Variants in RPL14 observed in about 807,000 individuals in gnomAD.
The protein encoded by RPL14 is large ribosomal subunit protein eL14.
Under a neutral mutation model 25.3 loss-of-function variants are expected in RPL14, and 4 were observed. The ratio of observed to expected loss-of-function variants is 0.16; its 90% CI spans 0.08 to 0.36. The LOEUF (loss-of-function observed/expected upper bound fraction) is 0.36. Ranked by LOEUF, RPL14 falls within the 10% of genes least tolerant of loss-of-function variation. The pLI, the probability that RPL14 is intolerant of heterozygous loss-of-function variation, is 1.00. For synonymous variants in RPL14, 75 were observed against 89.8 expected, an observed-to-expected ratio of 0.84 and a Z score of 0.93; for missense variants, 212 against 261.9, an observed-to-expected ratio of 0.81 and a Z score of 1.31.
chr3:40,457,546 G>C (rs1380276255), intron 1 of RPL14, 72 bp downstream of exon 1: 1 of 1,298,798 alleles, frequency 7.7e-7, no homozygotes, highest in Non-Finnish European at 1.1e-6. Context: ...CGGACTCGCC[G>C]CTGGCGAGCG....
At position 40,462,330 on chromosome 3, in the gene RPL14, C is replaced by A; in HGVS notation, c.*98C>A. 2 of 1,136,426 alleles carry A rather than the reference C, an allele frequency of 1.8e-6. No individual in the cohort carries two copies. The highest frequency in any genetic ancestry group is 2.4e-6 in the Non-Finnish European group (2 of 819,332). 70.4% of individuals were successfully genotyped at this position (1,136,426 alleles called of 1,614,324 possible). A position where few individuals can be genotyped will look rare whatever the true frequency, so the allele number is the denominator to read the frequency against. On this transcript the variant is annotated 3_prime_UTR_variant, in exon 6 of 6. Coordinates refer to ENST00000396203, the MANE Select transcript of RPL14 (RefSeq NM_001034996.3). ...GCCTGTTGAGGCTGGAGTTAGGAGGCAGATTGATAGTAGGATTATAATAAA... is the reference window on the plus strand; with the variant it reads ...GCCTGTTGAGGCTGGAGTTAGGAGGAAGATTGATAGTAGGATTATAATAAA...
At chr3:40,459,858 CAAAAAAAAAAAA>C (rs10682822) in intron 3 of RPL14, among the ~76,000 whole-genome samples, 6 of 90,956 alleles carry the variant, frequency 6.6e-5, no homozygotes, top group South Asian at 4.5e-4. Context: ...GACTCCGTTT[CAAAAAAAAAAAA>C]AAAAAAAAAA....
chr3:40,462,081 T>C lies in RPL14; in HGVS notation c.497T>C (p.Ile166Thr). 1 of 1,587,238 alleles carries C rather than the reference T, an allele frequency of 6.3e-7. No individual in the cohort carries two copies. Among genetic ancestry groups the C allele is most frequent in the Non-Finnish European group, 8.6e-7 (1 of 1,163,912 alleles). Residue 166 changes from isoleucine to threonine, a missense_variant, in exon 6 of 6, where the codon ATC becomes ACC. By Grantham distance (89) the Ile-to-Thr change is moderately conservative (BLOSUM62 -1). This residue lies in a region of RPL14 where 66 missense variants were observed against 62.6 expected (regional missense o/e 1.05). Transcript: ENST00000396203. ...AAAAKVPAKKITAASKKAPAQ... is the reference protein window; with the variant it reads ...AAAAKVPAKKTTAASKKAPAQ... ...GCTGCTAAAGTTCCAGCAAAAAAGA[T>C]CACCGCCGCGAGTAAAAAGGCTCCA... is the stretch of plus-strand genomic sequence containing the variant.
At position 40,464,302 on chromosome 3, in the gene RPL14, G is replaced by C. The variant is rs1696996117; in HGVS notation, c.*2070G>C. ...AAATTTGTTTCCTAACCAAAAGCTA[G>C]CTTCAGGCGTCACTGGGGTAAAGGA... On this transcript the variant is annotated 3_prime_UTR_variant, in exon 6 of 6. Transcript: ENST00000396203. The C allele has an allele frequency of 2.8e-6, 1 of 353,468 alleles. No individual in the cohort carries two copies. The highest frequency in any genetic ancestry group is 2.1e-5 in the African/African-American group (1 of 46,804). 21.9% of individuals were successfully genotyped at this position (353,468 alleles called of 1,614,324 possible). A position where few individuals can be genotyped will look rare whatever the true frequency, so the allele number is the denominator to read the frequency against.
At position 40,457,409 on chromosome 3, in the gene RPL14, C is replaced by A; in HGVS notation, c.-63C>A. 6 of 1,594,270 alleles carry A rather than the reference C, an allele frequency of 3.8e-6. No homozygotes were observed. The highest frequency in any genetic ancestry group is 5.1e-6 in the Non-Finnish European group (6 of 1,169,706). ...CTCCGGGGCCGTCGACCATGCCGCT[C>A]GACCTCCACCTCCGCTGGGAAGCTG... is the stretch of plus-strand genomic sequence containing the variant. On this transcript the variant is annotated 5_prime_UTR_variant, in exon 1 of 6. Coordinates refer to ENST00000396203, the MANE Select transcript of RPL14 (RefSeq NM_001034996.3).
At position 40,464,999 on chromosome 3, in the gene RPL14, T is replaced by C. The variant is rs1002915063; in HGVS notation, c.*2767T>C. 5 of 165,028 alleles carry C rather than the reference T, an allele frequency of 3.0e-5. No homozygotes were observed. Among genetic ancestry groups the C allele is most frequent in the African/African-American group, 7.2e-5 (3 of 41,818 alleles). 10.2% of individuals were successfully genotyped at this position (165,028 alleles called of 1,614,324 possible). On this transcript the variant is annotated 3_prime_UTR_variant, in exon 6 of 6. Coordinates refer to ENST00000396203, the MANE Select transcript of RPL14 (RefSeq NM_001034996.3). The stretch of plus-strand genomic sequence containing the variant: ...ACATAGTCAAAATCCAGTTTCCTCA[T>C]CTATGTGGTACGCTTCAGAGTAGTT...
chr3:40,462,395 G>GA lies in RPL14; in HGVS notation c.*164dup. On this transcript the variant is annotated 3_prime_UTR_variant, in exon 6 of 6. Coordinates refer to ENST00000396203, the MANE Select transcript of RPL14 (RefSeq NM_001034996.3). ...TTCCTTTTTTTTTTTTTTTTTTTTTGAGATGGAGTCTCGTTCTGTTGCTCA... is the reference window on the plus strand; with the variant it reads ...TTCCTTTTTTTTTTTTTTTTTTTTTGAAGATGGAGTCTCGTTCTGTTGCTCA... 2 of 439,438 alleles carry GA rather than the reference G, an allele frequency of 4.6e-6. No homozygotes were observed. The highest frequency in any genetic ancestry group is 7.0e-6 in the Non-Finnish European group (2 of 285,592). The allele number at this position is 439,438 out of a possible 1,614,324, so 27.2% of individuals were successfully genotyped here.
Position 40,464,359 on chromosome 3 carries a change from A to C in RPL14, c.*2127A>C. The C allele has an allele frequency of 2.4e-6, 1 of 408,814 alleles. No homozygotes were observed. The highest frequency in any genetic ancestry group is 5.0e-6 in the Non-Finnish European group (1 of 201,588). The allele number at this position is 408,814 out of a possible 1,614,324, so 25.3% of individuals were successfully genotyped here. A position where few individuals can be genotyped will look rare whatever the true frequency, so the allele number is the denominator to read the frequency against. ...ACATTGATTTGCTTGATAATAGGCA[A>C]GTGGTATGGTGTAATAAGGAAAATA... On this transcript the variant is annotated 3_prime_UTR_variant, in exon 6 of 6. Transcript: ENST00000396203.
In RPL14 at chr3:40,464,114, G is replaced by A. The variant is rs559779499; in HGVS notation, c.*1882G>A. On this transcript the variant is annotated 3_prime_UTR_variant, in exon 6 of 6. Coordinates refer to ENST00000396203, the MANE Select transcript of RPL14 (RefSeq NM_001034996.3). ...CCCAAGTAGCAGGGGTTAAATGCGTGTACCACCATGCCCCTCTAATATTGT... is the reference window on the plus strand; with the variant it reads ...CCCAAGTAGCAGGGGTTAAATGCGTATACCACCATGCCCCTCTAATATTGT... 39 of 224,708 alleles carry A rather than the reference G, an allele frequency of 1.7e-4. No individual in the cohort carries two copies. The highest frequency in any genetic ancestry group is 8.7e-4 in the African/African-American group (39 of 44,688). The allele number at this position is 224,708 out of a possible 1,614,324, so 13.9% of individuals were successfully genotyped here.
At chr3:40,460,407 A>G (rs1559528602) in intron 3 of RPL14, among the ~76,000 whole-genome samples, 1 of 151,870 alleles carries the variant, frequency 6.6e-6, no homozygotes, top group Non-Finnish European at 1.5e-5. Flanking sequence ...AGCCCCAGCT[A>G]TTTGGGTGGA....
chr3:40,461,763 T>C lies in RPL14; in HGVS notation c.354+102T>C, dbSNP rs1377850491. 3.8e-5 allele frequency: 51 copies of C among 1,339,804 alleles called. No homozygotes were observed. The Admixed American group carries it at 1.3e-3, about 35-fold the overall frequency. 83.0% of individuals were successfully genotyped at this position (1,339,804 alleles called of 1,614,324 possible). ...CTGCCAGCTTCTTGGAAGCTTTCTG[T>C]AAAAAAGGAGAATTTATCTTCATTT... On this transcript the variant is annotated intron_variant, in intron 5 of 5. Transcript: ENST00000396203.
rs1696880796 is a variant in RPL14 at position 40,458,644 on chromosome 3, T to G, written c.108T>G (p.Ala36=). 8 of 1,613,920 alleles carry G rather than the reference T, an allele frequency of 5.0e-6. No homozygotes were observed. In the East Asian group the frequency reaches 1.1e-4, roughly 22 times the overall value. The part of the protein sequence containing the change: ...AIVDVIDQNR[A]LVDGPCTQVR... ...AGTTCTTGATGTTTGTGTTCTAGGC[T>G]TTGGTCGATGGACCTTGCACTCAAG... Residue 36 remains alanine (A), a splice_region_variant and synonymous_variant, in exon 3 of 6, where the codon GCT becomes GCG. Coordinates refer to ENST00000396203, the MANE Select transcript of RPL14 (RefSeq NM_001034996.3).
Position 40,462,454 on chromosome 3 carries a change from G to A in RPL14, c.*222G>A. On this transcript the variant is annotated 3_prime_UTR_variant, in exon 6 of 6. Coordinates refer to ENST00000396203, the MANE Select transcript of RPL14 (RefSeq NM_001034996.3). ...TGCAGTGGCGCTATCTCGGCTCACT[G>A]TAAGTTCCACCTCCCGGGTTCATGC... is the stretch of plus-strand genomic sequence containing the variant. The A allele has an allele frequency of 4.7e-6, 2 of 424,546 alleles. No homozygotes were observed. The highest frequency in any genetic ancestry group is 3.9e-6 in the Non-Finnish European group (1 of 257,210). The allele number at this position is 424,546 out of a possible 1,614,324, so 26.3% of individuals were successfully genotyped here.
Position 40,465,547 on chromosome 3 carries a change from ATC to A in RPL14, c.*3319_*3320del, listed in dbSNP as rs1380055000. The stretch of plus-strand genomic sequence containing the variant: ...AGGAAATTAAGGACTTTTCACCTTT[ATC>A]TCTGAAATTTCTCTGGAGTTAGCAA... On this transcript the variant is annotated 3_prime_UTR_variant, in exon 6 of 6. Coordinates refer to ENST00000396203, the MANE Select transcript of RPL14 (RefSeq NM_001034996.3). 6.6e-6 allele frequency: 1 copy of A among 152,234 alleles called. No individual in the cohort carries two copies. Among genetic ancestry groups the A allele is most frequent in the African/African-American group, 2.4e-5 (1 of 41,454 alleles). 9.4% of individuals were successfully genotyped at this position (152,234 alleles called of 1,614,324 possible).
At chr3:40,460,187 T>TA (rs1363036950) in intron 3 of RPL14, among the ~76,000 whole-genome samples, 13 of 151,898 alleles carry the variant, frequency 8.6e-5, no homozygotes, top group South Asian at 8.3e-4. Context: ...AATTTTTTTT[T>TA]AAAAAAAAGC....
At position 40,466,769 on chromosome 3, in the gene RPL14, T is replaced by A. The variant is rs1697032663; in HGVS notation, c.*4537T>A. On this transcript the variant is annotated 3_prime_UTR_variant, in exon 6 of 6. Coordinates refer to ENST00000396203, the MANE Select transcript of RPL14 (RefSeq NM_001034996.3). ...AGGTACTTAGTAATTTGGGTTGAAT[T>A]GTGTTGAACTAACCTGGCGGTATAG... 6.6e-6 allele frequency: 1 copy of A among 152,198 alleles called. No individual in the cohort carries two copies. The allele number at this position is 152,198 out of a possible 1,614,324, so 9.4% of individuals were successfully genotyped here. A position where few individuals can be genotyped will look rare whatever the true frequency, so the allele number is the denominator to read the frequency against.
chr3:40,457,392 C>G lies in RPL14; in HGVS notation c.-80C>G. The G allele has an allele frequency of 1.9e-6, 3 of 1,602,138 alleles. No homozygotes were observed. The highest frequency in any genetic ancestry group is 2.6e-6 in the Non-Finnish European group (3 of 1,173,828). On this transcript the variant is annotated 5_prime_UTR_variant, in exon 1 of 6. Coordinates refer to ENST00000396203, the MANE Select transcript of RPL14 (RefSeq NM_001034996.3). Reference sequence around the variant, plus strand: ...AGTCTTACTGTTGCGGGCTCCGGGGCCGTCGACCATGCCGCTCGACCTCCA... The same window carrying G: ...AGTCTTACTGTTGCGGGCTCCGGGGGCGTCGACCATGCCGCTCGACCTCCA...
In RPL14 at chr3:40,462,332, G is replaced by A; in HGVS notation, c.*100G>A. ...CTGTTGAGGCTGGAGTTAGGAGGCAGATTGATAGTAGGATTATAATAAACA... is the reference window on the plus strand; with the variant it reads ...CTGTTGAGGCTGGAGTTAGGAGGCAAATTGATAGTAGGATTATAATAAACA... On this transcript the variant is annotated 3_prime_UTR_variant, in exon 6 of 6. Coordinates refer to ENST00000396203, the MANE Select transcript of RPL14 (RefSeq NM_001034996.3). The A allele has an allele frequency of 9.6e-7, 1 of 1,040,564 alleles. No individual in the cohort carries two copies. Among genetic ancestry groups the A allele is most frequent in the South Asian group, 1.8e-5 (1 of 54,904 alleles). 64.5% of individuals were successfully genotyped at this position (1,040,564 alleles called of 1,614,324 possible).
Position 40,467,548 on chromosome 3 carries a change from T to C in RPL14, c.*5316T>C, listed in dbSNP as rs532122575. 5.2e-5 allele frequency: 8 copies of C among 152,522 alleles called. No individual in the cohort carries two copies. Among genetic ancestry groups the C allele is most frequent in the African/African-American group, 1.9e-4 (8 of 41,590 alleles). The allele number at this position is 152,522 out of a possible 1,614,324, so 9.4% of individuals were successfully genotyped here. ...GTGGATAGGATGATGCCCACCTGCA[T>C]TGGTGAAGGTCATCTTTACTCAGTC... On this transcript the variant is annotated 3_prime_UTR_variant, in exon 6 of 6. Transcript: ENST00000396203.
Sources: gnomAD v4.1 joint callset for allele counts (sites outside exome capture counted in the v4.1 genomes callset) on GRCh38, gnomAD v4.1.1 for gene constraint, gnomAD v4.1.1 regional missense constraint, MANE v1.5 for transcripts, NCBI Gene and HGNC (gene_info 2026-07-23, HGNC 2026-07-21) for gene names.